FSTL5: variants seen among roughly 807,000 people sequenced by gnomAD.
The protein encoded by FSTL5 is follistatin-related protein 5.
A neutral mutation model predicts 89.1 loss-of-function variants in FSTL5; 62 were observed. The observed-to-expected ratio is 0.70, with a 90% confidence interval of 0.57 to 0.86. The LOEUF (loss-of-function observed/expected upper bound fraction) is 0.86, where lower values mean the gene tolerates loss of function less well. Among genes scored for constraint, FSTL5 ranks in the 40% least tolerant of loss-of-function variants. The pLI is 0.00. For synonymous variants in FSTL5, 383 were observed against 346.2 expected (o/e 1.11, Z -1.18); for missense variants, 1,057 against 1,001.6 (o/e 1.06, Z -0.75).
At chr4:162,122,797 C>T (rs1181123645) in intron 1 of FSTL5, among the ~76,000 whole-genome samples, 3 of 152,054 alleles carry the variant, frequency 2.0e-5, no homozygotes, top group Non-Finnish European at 4.4e-5. Flanking sequence ...AGGCCTATTG[C>T]CTTACTTTGT....
At chr4:161,929,227 T>A (rs553629385) in intron 3 of FSTL5, among the ~76,000 whole-genome samples, 11 of 141,826 alleles carry the variant, frequency 7.8e-5, no homozygotes, top group African/African-American at 2.9e-4. Flanking sequence ...TATCCTTTCT[T>A]CATTTAATTA....
At chr4:161,604,076 T>A (rs1734350597) in intron 7 of FSTL5, among the ~76,000 whole-genome samples, 1 of 152,180 alleles carries the variant, frequency 6.6e-6, no homozygotes, top group South Asian at 2.1e-4. Flanking sequence ...CTCTTGATAT[T>A]TGTGCTCCAA....
intron 4 of FSTL5, among the ~76,000 whole-genome samples, chr4:161,779,933 T>C (rs1228119844): frequency 6.8e-6 from 1 of 146,698 alleles, no homozygotes; most frequent in Non-Finnish European, 1.5e-5. Flanking sequence ...ATCTAAGAGG[T>C]AACAGGTAAA....
intron 4 of FSTL5, among the ~76,000 whole-genome samples, chr4:161,811,832 A>G (rs1730156757): frequency 6.6e-6 from 1 of 152,170 alleles, no homozygotes; most frequent in African/African-American, 2.4e-5. Flanking sequence ...AATTAAATAT[A>G]AACTAGAATT....
chr4:161,832,895 A>G (rs1730896212), intron 4 of FSTL5, among the ~76,000 whole-genome samples: 4 of 148,120 alleles, frequency 2.7e-5, no homozygotes, highest in African/African-American at 9.9e-5. Flanking sequence ...TTCTGCTCTG[A>G]TTTTAGTTAT....
intron 10 of FSTL5, among the ~76,000 whole-genome samples, chr4:161,532,372 T>C (rs1349018812): frequency 2.6e-5 from 4 of 152,114 alleles, no homozygotes; most frequent in African/African-American, 7.2e-5. Flanking sequence ...AGAGAGGTCA[T>C]GTAGTACCCC....
chr4:161,560,117 T>C (rs1215447869), intron 8 of FSTL5, among the ~76,000 whole-genome samples: 1 of 145,342 alleles, frequency 6.9e-6, no homozygotes, highest in Admixed American at 6.7e-5. Context: ...CCCAAGACAA[T>C]TCTTCTTCCA....
chr4:162,037,507 C>G (rs1737789067), intron 2 of FSTL5, among the ~76,000 whole-genome samples: 2 of 151,794 alleles, frequency 1.3e-5, no homozygotes, highest in South Asian at 4.1e-4. Flanking sequence ...GTTTTGTCGT[C>G]ATAAATTTGT....
At chr4:162,148,005 C>T (rs1415594139) in intron 1 of FSTL5, among the ~76,000 whole-genome samples, 1 of 151,874 alleles carries the variant, frequency 6.6e-6, no homozygotes, top group Non-Finnish European at 1.5e-5. Flanking sequence ...AACTCTGCCT[C>T]CAAAAAAACA....
chr4:161,529,328 G>T (rs1731332878), intron 10 of FSTL5, among the ~76,000 whole-genome samples: 2 of 142,588 alleles, frequency 1.4e-5, no homozygotes, highest in Admixed American at 7.6e-5. Context: ...GGTATGTTCT[G>T]GGTAAAAAGA....
At chr4:162,066,299 TTTCTTCTTCTTC>T (rs1222795843) in intron 2 of FSTL5, among the ~76,000 whole-genome samples, 5 of 70,156 alleles carry the variant, frequency 7.1e-5, no homozygotes, top group South Asian at 1.1e-3. Context: ...TCCTCCTACT[TTTCTTCTTCTTC>T]TTCTTCTTCT....
intron 11 of FSTL5, among the ~76,000 whole-genome samples, chr4:161,501,906 ATAAC>A (rs1463198613): frequency 1.3e-5 from 2 of 152,024 alleles, no homozygotes; most frequent in African/African-American, 4.8e-5. Flanking sequence ...TAACATATAA[ATAAC>A]TATCAATTTA....
chr4:161,554,584 C>G (rs1248663672), intron 8 of FSTL5, among the ~76,000 whole-genome samples: 1 of 151,624 alleles, frequency 6.6e-6, no homozygotes, highest in African/African-American at 2.4e-5. Flanking sequence ...TTCATTCTAA[C>G]TGAAAACAAA....
intron 13 of FSTL5, among the ~76,000 whole-genome samples, chr4:161,470,243 C>A (rs1733891407): frequency 6.6e-6 from 1 of 151,924 alleles, no homozygotes; most frequent in African/African-American, 2.4e-5. Context: ...AAATTTAGGT[C>A]TTTTATTAAT....
At chr4:161,679,322 G>A (rs774747615) in intron 6 of FSTL5, among the ~76,000 whole-genome samples, 1 of 151,590 alleles carries the variant, frequency 6.6e-6, no homozygotes, top group Non-Finnish European at 1.5e-5. Flanking sequence ...GCTACATACT[G>A]TTTTTTCATG....
At chr4:161,402,991 T>A (rs946790125) in intron 15 of FSTL5, among the ~76,000 whole-genome samples, 12 of 152,028 alleles carry the variant, frequency 7.9e-5, no homozygotes, top group Admixed American at 5.9e-4. Context: ...CCGGCTAATT[T>A]TTTTTTTGTT....
At chr4:161,468,764 A>G (rs1010786069) in intron 13 of FSTL5, among the ~76,000 whole-genome samples, 3 of 152,004 alleles carry the variant, frequency 2.0e-5, no homozygotes, top group Non-Finnish European at 2.9e-5. Context: ...ATTTTAACTT[A>G]ATATTTTCTT....
chr4:161,523,398 T>C (rs1458647527), intron 10 of FSTL5, among the ~76,000 whole-genome samples: 2 of 152,198 alleles, frequency 1.3e-5, no homozygotes, highest in Non-Finnish European at 2.9e-5. Context: ...TTACCTTCTA[T>C]CTATTATAAT....
intron 5 of FSTL5, among the ~76,000 whole-genome samples, chr4:161,771,643 A>G (rs1741214361): frequency 6.6e-6 from 1 of 152,112 alleles, no homozygotes; most frequent in Non-Finnish European, 1.5e-5. Context: ...TGTATGTTCC[A>G]TCTTAATCTT....
Sources: gnomAD v4.1 joint callset for allele counts (sites outside exome capture counted in the v4.1 genomes callset) on GRCh38, gnomAD v4.1.1 for gene constraint, MANE v1.5 for transcripts, NCBI Gene and HGNC (gene_info 2026-07-23, HGNC 2026-07-21) for gene names.